The following LIMS4 variants were observed in gnomAD, a reference collection of about 807,000 sequenced individuals.
The protein encoded by LIMS4 is LIM zinc finger domain containing 4.
At chr2:110,456,695 CT>C (rs1688281371) in intron 3 of LIMS4, among the ~76,000 whole-genome samples, 1 of 116,822 alleles carries the variant, frequency 8.6e-6, no homozygotes, top group Admixed American at 8.9e-5. Flanking sequence ...TGGAAACTTA[CT>C]TTTTTTCCCC....
chr2:110,396,291 C>T, the LIMS4 span, among the ~76,000 whole-genome samples: 1 of 21,726 alleles, frequency 4.6e-5, no homozygotes, highest in Non-Finnish European at 9.1e-5. Context: ...GGGCCTTCAG[C>T]AGGACAAGGT....
At chr2:110,363,644 CCA>C in the LIMS4 span, 2 of 34,288 alleles carry the variant, frequency 5.8e-5, no homozygotes, top group Admixed American at 6.1e-4. Flanking sequence ...GAGTCTGATG[CCA>C]CCTTTTTAGT....
the LIMS4 span, among the ~76,000 whole-genome samples, chr2:110,425,109 A>G: frequency 7.0e-6 from 1 of 142,382 alleles, no homozygotes; most frequent in Non-Finnish European, 1.5e-5. Context: ...AGCAAGGTCC[A>G]TGGCTTCATT....
At chr2:110,361,228 G>A in the LIMS4 span, 1 of 886,332 alleles carries the variant, frequency 1.1e-6, no homozygotes, top group Non-Finnish European at 1.9e-6. Flanking sequence ...TACCTCTAGA[G>A]TCTGAGCAGT....
At chr2:110,425,799 G>T in the LIMS4 span, among the ~76,000 whole-genome samples, 1 of 137,924 alleles carries the variant, frequency 7.3e-6, no homozygotes, top group South Asian at 2.2e-4. Context: ...AACACAATTT[G>T]CTGACACCTT....
At chr2:110,375,573 C>T in the LIMS4 span, 1 of 24,308 alleles carries the variant, frequency 4.1e-5, no homozygotes, top group African/African-American at 2.2e-4. Context: ...GCCCACTTCC[C>T]CCATCTCATC....
the LIMS4 span, chr2:110,386,346 C>T: frequency 9.2e-6 from 2 of 216,432 alleles, no homozygotes; most frequent in Non-Finnish European, 1.5e-5. Context: ...CAGAATTATA[C>T]CAATCTTTAA....
chr2:110,367,603 A>C, the LIMS4 span, among the ~76,000 whole-genome samples: 1 of 142,748 alleles, frequency 7.0e-6, no homozygotes, highest in Non-Finnish European at 1.5e-5. Flanking sequence ...CTTAAATGTA[A>C]GACTTCGAAC....
At chr2:110,392,446 A>AAAAG in the LIMS4 span, among the ~76,000 whole-genome samples, 168 of 128,250 alleles carry the variant, frequency 1.3e-3, no homozygotes, top group African/African-American at 2.7e-3. Context: ...CAAAAAAAAA[A>AAAAG]AAAGAAAGAA....
the LIMS4 span, among the ~76,000 whole-genome samples, chr2:110,422,500 A>G: frequency 4.3e-4 from 52 of 120,366 alleles, no homozygotes; most frequent in South Asian, 7.2e-4. Flanking sequence ...TTTTTTTTTT[A>G]GATGGGGTCT....
chr2:110,433,597 C>A, the LIMS4 span: 1 of 144,138 alleles, frequency 6.9e-6, no homozygotes, highest in East Asian at 2.1e-4. Context: ...CATGTGGGAG[C>A]TACACATTAG....
chr2:110,425,633 CAG>C, the LIMS4 span, among the ~76,000 whole-genome samples: 3 of 142,508 alleles, frequency 2.1e-5, no homozygotes, highest in Admixed American at 6.9e-5. Context: ...AAGAGCAAGA[CAG>C]GGGAGAGGAG....
At chr2:110,382,148 T>TAC in the LIMS4 span, among the ~76,000 whole-genome samples, 2 of 84,434 alleles carry the variant, frequency 2.4e-5, no homozygotes, top group Admixed American at 1.4e-4. Flanking sequence ...TATATATATA[T>TAC]ATACATGTTT....
chr2:110,362,116 A>G, the LIMS4 span: 24 of 780,552 alleles, frequency 3.1e-5, no homozygotes, highest in Non-Finnish European at 5.0e-5. Context: ...AGGAAGCAGC[A>G]TCTGGCAGAT....
the LIMS4 span, among the ~76,000 whole-genome samples, chr2:110,382,232 T>C: frequency 5.2e-5 from 4 of 76,996 alleles, no homozygotes; most frequent in African/African-American, 2.6e-4. Context: ...AATAGACATT[T>C]CTCCAAAGAA....
the LIMS4 span, chr2:110,386,610 CG>C: frequency 1.6e-6 from 1 of 644,228 alleles, no homozygotes; most frequent in Non-Finnish European, 2.7e-6. Flanking sequence ...GGTGCTCCAG[CG>C]CACCCTGGGC....
chr2:110,397,399 GT>G, the LIMS4 span: 1 of 147,742 alleles, frequency 6.8e-6, no homozygotes, highest in African/African-American at 2.6e-5. Context: ...CACACAGTAT[GT>G]GAAAATGCTT....
chr2:110,391,036 C>T, the LIMS4 span, among the ~76,000 whole-genome samples: 3 of 151,624 alleles, frequency 2.0e-5, no homozygotes, highest in African/African-American at 7.3e-5. Context: ...GCAGGCATTT[C>T]CAGCACAGTG....
the LIMS4 span, among the ~76,000 whole-genome samples, chr2:110,389,776 G>C: frequency 4.1e-5 from 6 of 144,628 alleles, no homozygotes; most frequent in Non-Finnish European, 7.4e-5. Flanking sequence ...AGGAGAAGCA[G>C]ATCCTGGGTA....
Sources: gnomAD v4.1 joint callset for allele counts (sites outside exome capture counted in the v4.1 genomes callset) on GRCh38, gnomAD v4.1.1 for gene constraint, MANE v1.5 for transcripts, NCBI Gene and HGNC (gene_info 2026-07-23, HGNC 2026-07-21) for gene names.